C5orf34: variants seen among roughly 807,000 people sequenced by gnomAD.
The protein encoded by C5orf34 is uncharacterized protein C5orf34.
C5orf34 carries 73 observed loss-of-function variants against 78.4 expected under a neutral mutation model. The observed-to-expected ratio is 0.93, with a 90% CI of 0.77 to 1.13. The LOEUF is 1.13. C5orf34 is among the 50% of genes most tolerant of loss of function. The pLI, the probability that C5orf34 is intolerant of heterozygous loss-of-function variation, is 0.00. For missense variants in C5orf34, 730 were observed against 732.7 expected (o/e 1.00, Z 0.04); for synonymous variants, 251 against 246.6 (o/e 1.02, Z -0.17).
chr5:43,501,487 G>A (rs1745757599), intron 6 of C5orf34, among the ~76,000 whole-genome samples: 1 of 152,114 alleles, frequency 6.6e-6, no homozygotes, highest in Non-Finnish European at 1.5e-5. Context: ...GGCCCCAGTT[G>A]GGAATCTGTT....
At position 43,490,685 on chromosome 5, in the gene C5orf34, G is replaced by C. The variant is rs1214337116; in HGVS notation, c.1625C>G (p.Thr542Ser). ...VTSWCRRLTQTSPREMPTHSS... is the reference protein window; with the variant it reads ...VTSWCRRLTQSSPREMPTHSS... ...ATGAGTGGGCATCTCTCTGGGACTA[G>C]TCTGGGTCAGTCTCCTGCACCATGA... The change falls in exon 11 of 13, where the codon ACT becomes AGT. Residue 542 changes from threonine (T) to serine (S), a missense_variant. Thr to Ser is a moderately conservative substitution (Grantham distance 58). Transcript: ENST00000306862. The C allele has an allele frequency of 5.0e-6, 8 of 1,610,590 alleles. No homozygotes were observed. The highest frequency in any genetic ancestry group is 5.9e-6 in the Non-Finnish European group (7 of 1,177,186).
intron 3 of C5orf34, 30 bp downstream of exon 3, chr5:43,508,547 T>C (rs778581288): frequency 1.5e-6 from 2 of 1,291,882 alleles, no homozygotes; most frequent in African/African-American, 1.5e-5. Flanking sequence ...CCTCAAATAA[T>C]ACTAACAAAA....
In C5orf34 at chr5:43,486,840, T is replaced by A. The variant is rs1216069348; in HGVS notation, c.*75A>T. The A allele has an allele frequency of 1.2e-6, 1 of 822,238 alleles. No homozygotes were observed. The highest frequency in any genetic ancestry group is 1.8e-5 in the African/African-American group (1 of 56,422). 50.9% of individuals were successfully genotyped at this position (822,238 alleles called of 1,614,324 possible). Reference sequence around the variant, plus strand: ...GGGGTAATACGTACAATATCTTGGCTTACTAGTAATTTTATACCAGTCACT... The same window carrying A: ...GGGGTAATACGTACAATATCTTGGCATACTAGTAATTTTATACCAGTCACT... On this transcript the variant is annotated 3_prime_UTR_variant, in exon 13 of 13. Coordinates refer to ENST00000306862, the MANE Select transcript of C5orf34 (RefSeq NM_198566.4).
intron 1 of C5orf34, among the ~76,000 whole-genome samples, chr5:43,511,869 G>C (rs1746275110): frequency 1.3e-5 from 2 of 152,074 alleles, no homozygotes; most frequent in Admixed American, 1.3e-4. Flanking sequence ...CTAATCTCAA[G>C]TACCCAGGGA....
chr5:43,511,836 TCGTTA>T (rs1380643596), intron 1 of C5orf34, among the ~76,000 whole-genome samples: 1 of 152,100 alleles, frequency 6.6e-6, no homozygotes, highest in Non-Finnish European at 1.5e-5. Context: ...GGCAGCATGC[TCGTTA>T]AGAGTCATCA....
At chr5:43,492,181 C>T (rs761975613) in intron 10 of C5orf34, 34 bp downstream of exon 10, 3 of 1,396,670 alleles carry the variant, frequency 2.1e-6, no homozygotes, top group East Asian at 2.3e-5. Flanking sequence ...AAAAGTAAAA[C>T]ATAAAAATAA....
intron 6 of C5orf34, among the ~76,000 whole-genome samples, chr5:43,500,312 T>G (rs1745704048): frequency 6.6e-6 from 1 of 152,208 alleles, no homozygotes; most frequent in Non-Finnish European, 1.5e-5. Context: ...TATTTTGGTT[T>G]TTTGGTCTAT....
chr5:43,491,467 GAAAA>G (rs762804775), intron 10 of C5orf34, among the ~76,000 whole-genome samples: 5 of 151,708 alleles, frequency 3.3e-5, no homozygotes, highest in Non-Finnish European at 5.9e-5. Context: ...TAAACCAAAA[GAAAA>G]AAAATTCATA....
chr5:43,502,618 C>A (rs1745810799), intron 5 of C5orf34, 123 bp from the exon 6 acceptor site: 1 of 624,000 alleles, frequency 1.6e-6, no homozygotes, highest in Non-Finnish European at 2.8e-6. Flanking sequence ...TTTTGCCTGT[C>A]CAGTGAAGCA....
chr5:43,495,436 A>G, intron 6 of C5orf34: 1 of 1,611,070 alleles, frequency 6.2e-7, no homozygotes, highest in Non-Finnish European at 8.5e-7. Context: ...TTACCTGAGC[A>G]ATGAAGTCAG....
chr5:43,495,395 G>C (rs941771729), intron 6 of C5orf34: 35 of 1,611,634 alleles, frequency 2.2e-5, no homozygotes, highest in African/African-American at 4.0e-5. Flanking sequence ...GGCATAGCCA[G>C]CGCTTATTTG....
At chr5:43,487,973 T>G (rs1391075773) in intron 11 of C5orf34, 24 bp from the exon 12 acceptor site, 2 of 1,586,026 alleles carry the variant, frequency 1.3e-6, no homozygotes, top group African/African-American at 1.3e-5. Flanking sequence ...AAGAAAAAAT[T>G]CATTCAGTTG....
chr5:43,510,856 A>G (rs1468765782), intron 1 of C5orf34, among the ~76,000 whole-genome samples: 4 of 109,178 alleles, frequency 3.7e-5, no homozygotes, highest in Non-Finnish European at 4.3e-5. Context: ...CTCTGCCCGG[A>G]CGCCACCCCA....
At chr5:43,492,964 C>T (rs1021075280) in intron 8 of C5orf34, 74 bp from the exon 9 acceptor site, 4 of 1,038,482 alleles carry the variant, frequency 3.9e-6, no homozygotes, top group Non-Finnish European at 5.5e-6. Context: ...ATTAATGACT[C>T]TAGGGCAATT....
intron 1 of C5orf34, among the ~76,000 whole-genome samples, chr5:43,513,681 T>G (rs1470552898): frequency 5.3e-5 from 8 of 152,222 alleles, no homozygotes; most frequent in Admixed American, 2.6e-4. Flanking sequence ...CTTTCCCATC[T>G]TTGCAGTTCT....
chr5:43,512,125 T>A (rs973266991), intron 1 of C5orf34, among the ~76,000 whole-genome samples: 4 of 151,118 alleles, frequency 2.6e-5, no homozygotes, highest in Non-Finnish European at 5.9e-5. Context: ...AAAATGGGAG[T>A]AGTAACAGGA....
chr5:43,495,035 C>A, intron 6 of C5orf34: 4 of 1,417,742 alleles, frequency 2.8e-6, no homozygotes, highest in Middle Eastern at 2.5e-4. Flanking sequence ...TCTTCCACCA[C>A]TGATTAAGAG....
Position 43,509,401 on chromosome 5 carries a change from CATAA to C in C5orf34, c.-36-30_-36-27del, listed in dbSNP as rs1310123827. The C allele has an allele frequency of 3.0e-6, 4 of 1,327,612 alleles. No homozygotes were observed. In the African/African-American group the frequency reaches 4.4e-5, roughly 15 times the overall value. The allele number at this position is 1,327,612 out of a possible 1,614,324, so 82.2% of individuals were successfully genotyped here. ...CTGAATGAAATAGGAAAAACAACAG[CATAA>C]ATAGTTCTCTTAATGTACAAAACTT... On this transcript the variant is annotated intron_variant, in intron 1 of 12. Transcript: ENST00000306862.
At position 43,509,261 on chromosome 5, in the gene C5orf34, G is replaced by C. The variant is rs776959661; in HGVS notation, c.79C>G (p.Leu27Val). 1.9e-6 allele frequency: 3 copies of C among 1,614,040 alleles called. No individual in the cohort carries two copies. In the South Asian group the frequency reaches 3.3e-5, roughly 18 times the overall value. ...VQYVDGSTLQ[L>V]SPCGSEFLFE... is the part of the protein sequence containing the mutation. ...AAAAATTCAGAGCCACAGGGAGAAA[G>C]TTGCAATGTGGAACCATCAACATAT... The change falls in exon 2 of 13, where the codon CTT becomes GTT. Residue 27 changes from leucine to valine, a missense_variant. Coordinates refer to ENST00000306862, the MANE Select transcript of C5orf34 (RefSeq NM_198566.4).
Sources: gnomAD v4.1 joint callset for allele counts (sites outside exome capture counted in the v4.1 genomes callset) on GRCh38, gnomAD v4.1.1 for gene constraint, MANE v1.5 for transcripts, NCBI Gene and HGNC (gene_info 2026-07-23, HGNC 2026-07-21) for gene names.